NOL4L: variants seen among roughly 807,000 people sequenced by gnomAD.
The protein encoded by NOL4L is nucleolar protein 4-like.
Under a neutral mutation model 64.5 loss-of-function variants are expected in NOL4L, and 7 were observed. The ratio of observed to expected loss-of-function variants is 0.11; its 90% CI spans 0.06 to 0.20. The LOEUF is 0.20. Ranked by LOEUF, NOL4L falls within the 10% of genes least tolerant of loss-of-function variation. The probability of loss-of-function intolerance (pLI) is 1.00; values close to 1 mark genes in which losing one functional copy is unlikely to be tolerated. For missense variants in NOL4L, 680 were observed against 967.1 expected, an observed-to-expected ratio of 0.70 and a Z score of 3.94; for synonymous variants, 413 against 401.0, an observed-to-expected ratio of 1.03 and a Z score of -0.36.
chr20:32,523,214 G>C (rs998883511), intron 2 of NOL4L, among the ~76,000 whole-genome samples: 16 of 152,200 alleles, frequency 1.1e-4, no homozygotes, highest in African/African-American at 3.9e-4. Flanking sequence ...ATGGGTGGAA[G>C]GGGAGGATAG....
chr20:32,490,417 G>A (rs908040998), intron 4 of NOL4L, among the ~76,000 whole-genome samples: 2 of 152,112 alleles, frequency 1.3e-5, no homozygotes, highest in Admixed American at 6.5e-5. Flanking sequence ...GGAGGCTTGC[G>A]ACAGGTGGAA....
chr20:32,554,320 CAAAAAA>C (rs58257913), intron 1 of NOL4L, among the ~76,000 whole-genome samples: 13 of 64,056 alleles, frequency 2.0e-4, no homozygotes, highest in African/African-American at 8.2e-4. Flanking sequence ...GACTCTGCCT[CAAAAAA>C]AAAAAAAAAA....
chr20:32,563,125 GC>G (rs1279975737), intron 1 of NOL4L, among the ~76,000 whole-genome samples: 1 of 1,668 alleles, frequency 6.0e-4, no homozygotes, highest in Non-Finnish European at 1.6e-3. Context: ...AGAGTGGAGG[GC>G]AGGGAGGCTG....
intron 1 of NOL4L, among the ~76,000 whole-genome samples, chr20:32,584,133 G>GCGCGCACACACA (rs1555811186): frequency 1.1e-5 from 1 of 88,800 alleles, no homozygotes; most frequent in African/African-American, 5.2e-5. Context: ...CTCCGCGCGC[G>GCGCGCACACACA]CACACACACA....
At chr20:32,534,986 A>G (rs558193481) in intron 1 of NOL4L, among the ~76,000 whole-genome samples, 1 of 152,116 alleles carries the variant, frequency 6.6e-6, no homozygotes, top group African/African-American at 2.4e-5. Flanking sequence ...AAAAAGAAGC[A>G]AGGGGGAGGA....
At chr20:32,583,913 G>GGGGGGCTGA (rs1424123765) in intron 1 of NOL4L, among the ~76,000 whole-genome samples, 2 of 148,114 alleles carry the variant, frequency 1.4e-5, no homozygotes, top group African/African-American at 2.5e-5. Flanking sequence ...CGAGGGGCCC[G>GGGGGGCTGA]GGGGGCTGAG....
At position 32,581,325 on chromosome 20, in the gene NOL4L, G is replaced by A. The variant is rs187324106; in HGVS notation, c.321+3245C>T. Among the ~76,000 whole-genome samples the A allele has an allele frequency of 4.0e-5, 6 of 149,726 alleles. No homozygotes were observed. The East Asian group carries it at 8.3e-4, about 21-fold the overall frequency. The stretch of plus-strand genomic sequence containing the variant: ...GGCCCTGTGGAGTGTAATTCCCCTC[G>A]CCCTCTCTCTGCCCTGGGCCCGTCC... On this transcript the variant is annotated intron_variant, in intron 1 of 10. Coordinates refer to ENST00000621426, the MANE Select transcript of NOL4L (RefSeq NM_001256798.2).
At chr20:32,514,554 C>T (rs969025828) in intron 3 of NOL4L, among the ~76,000 whole-genome samples, 5 of 151,830 alleles carry the variant, frequency 3.3e-5, no homozygotes, top group African/African-American at 1.2e-4. Context: ...AAAGGAACCA[C>T]CCCCTCCTCC....
rs1345795325 is a variant in NOL4L at position 32,460,611 on chromosome 20, G to T, written c.842-4216C>A. 6.6e-6 allele frequency among the ~76,000 whole-genome samples: 1 copy of T among 152,204 alleles called. No individual in the cohort carries two copies. The highest frequency in any genetic ancestry group is 2.4e-5 in the African/African-American group (1 of 41,456). ...AGGTGAGGATGGTGCCCGAGATGGG[G>T]CAGGAGCTCAAAAGGAAACCCCAAT... On this transcript the variant is annotated intron_variant, in intron 5 of 10. Coordinates refer to ENST00000621426, the MANE Select transcript of NOL4L (RefSeq NM_001256798.2). This position sits in a 1 kb window ranked among gnomAD's most constrained non-coding sequence, Gnocchi z 5.7.
intron 4 of NOL4L, among the ~76,000 whole-genome samples, chr20:32,493,465 G>A (rs558167929): frequency 6.6e-6 from 1 of 152,228 alleles, no homozygotes; most frequent in South Asian, 2.1e-4. Flanking sequence ...GACACGCTCT[G>A]TTTGCACTCA....
chr20:32,507,835 T>C lies in NOL4L; in HGVS notation c.699+3512A>G, dbSNP rs1166010719. Among the ~76,000 whole-genome samples, 3 of 152,000 alleles carry C rather than the reference T, an allele frequency of 2.0e-5. 1 individual carries two copies. Among genetic ancestry groups the C allele is most frequent in the South Asian group, 4.2e-4 (2 of 4,818 alleles). On this transcript the variant is annotated intron_variant, in intron 4 of 10. Transcript: ENST00000621426. ...TCAGCCTGGCCAACAGAGTGAACCA[T>C]GTCTCTACTAAAAATACAAAAAAAA...
At chr20:32,525,238 A>AT (rs1427962530) in intron 2 of NOL4L, among the ~76,000 whole-genome samples, 1 of 152,230 alleles carries the variant, frequency 6.6e-6, no homozygotes, top group Non-Finnish European at 1.5e-5. Context: ...AACCGCCCAA[A>AT]GAGTGCCTGT....
intron 1 of NOL4L, among the ~76,000 whole-genome samples, chr20:32,538,676 C>G (rs1212645771): frequency 6.6e-6 from 1 of 152,202 alleles, no homozygotes; most frequent in Non-Finnish European, 1.5e-5. Context: ...CAGGCTGCCT[C>G]CAACCTCACC....
At chr20:32,478,984 T>C (rs1430027967) in intron 4 of NOL4L, among the ~76,000 whole-genome samples, 1 of 152,202 alleles carries the variant, frequency 6.6e-6, no homozygotes, top group Non-Finnish European at 1.5e-5. Context: ...ACACAAACCC[T>C]TCAACACCCA....
chr20:32,554,046 C>G (rs772877185), intron 1 of NOL4L, among the ~76,000 whole-genome samples: 2 of 152,072 alleles, frequency 1.3e-5, no homozygotes, highest in Admixed American at 1.3e-4. Context: ...TGTGGCCAGG[C>G]GCGGTGGCTC....
chr20:32,548,713 C>T (rs1035286584), intron 1 of NOL4L: 15 of 354,744 alleles, frequency 4.2e-5, no homozygotes, highest in African/African-American at 8.7e-5. Context: ...TGCCCTCAGA[C>T]GCAGCAATTC....
intron 10 of NOL4L, chr20:32,450,146 C>T (rs928822463): frequency 1.3e-5 from 2 of 152,172 alleles, no homozygotes; most frequent in Non-Finnish European, 2.9e-5. Flanking sequence ...CAAGACAGGC[C>T]GAGCCTGATT....
chr20:32,537,432 C>T (rs143935374), intron 1 of NOL4L, among the ~76,000 whole-genome samples: 56 of 152,348 alleles, frequency 3.7e-4, no homozygotes, highest in African/African-American at 1.3e-3. Context: ...GTGCCAAGCA[C>T]TCACGGCCTC....
In NOL4L at chr20:32,452,316, T is replaced by C; in HGVS notation, c.1742A>G (p.Asn581Ser). 6.2e-7 allele frequency: 1 copy of C among 1,609,398 alleles called. No individual in the cohort carries two copies. Among genetic ancestry groups the C allele is most frequent in the Non-Finnish European group, 8.5e-7 (1 of 1,177,528 alleles). ...QDPVYANGGL[N>S]YSYRGYGALS... is the part of the protein sequence containing the mutation. ...GGCCCCGTACCCGCGGTAACTGTAG[T>C]TGAGGCCGCCGTTGGCGTACACAGG... The change falls in exon 10 of 11, where the codon AAC becomes AGC. Residue 581 changes from asparagine (N) to serine (S), a missense_variant. This residue lies in a region of NOL4L where 175 missense variants were observed against 227.0 expected (regional missense o/e 0.77). Coordinates refer to ENST00000621426, the MANE Select transcript of NOL4L (RefSeq NM_001256798.2).
Sources: gnomAD v4.1 joint callset for allele counts (sites outside exome capture counted in the v4.1 genomes callset) on GRCh38, gnomAD v4.1.1 for gene constraint, gnomAD v4.1.1 regional missense constraint, Gnocchi (gnomAD v3.1) non-coding constraint, MANE v1.5 for transcripts, NCBI Gene and HGNC (gene_info 2026-07-23, HGNC 2026-07-21) for gene names.